Variants in SEMA6D observed in about 807,000 individuals in gnomAD.
The protein encoded by SEMA6D is semaphorin 6D.
In SEMA6D, 35 loss-of-function variants were observed where a neutral mutation model predicts 106.6. The ratio of observed to expected loss-of-function variants is 0.33; its 90% CI spans 0.25 to 0.44. The LOEUF is 0.44. Ranked by LOEUF, SEMA6D falls within the 20% of genes least tolerant of loss-of-function variation. The pLI is 1.00. For synonymous variants in SEMA6D, 499 were observed against 487.7 expected (o/e 1.02, Z -0.31); for missense variants, 1,185 against 1,345.9 (o/e 0.88, Z 1.87).
intron 1 of SEMA6D, among the ~76,000 whole-genome samples, chr15:47,287,687 C>G (rs924972628): frequency 6.6e-6 from 1 of 152,176 alleles, no homozygotes; most frequent in African/African-American, 2.4e-5. Context: ...CCAGCATTCT[C>G]TGAGATCATC....
chr15:47,288,861 A>G (rs2035482178), intron 1 of SEMA6D, among the ~76,000 whole-genome samples: 1 of 152,178 alleles, frequency 6.6e-6, no homozygotes, highest in Non-Finnish European at 1.5e-5. Flanking sequence ...AACTTAATCA[A>G]CTAGTATTGA....
chr15:47,465,722 T>C (rs1400575910), intron 2 of SEMA6D, among the ~76,000 whole-genome samples: 2 of 152,164 alleles, frequency 1.3e-5, no homozygotes, highest in African/African-American at 4.8e-5. Context: ...TCTCTTTGCC[T>C]TCTACCATGA....
At chr15:47,269,423 C>CAT (rs1257560071) in intron 1 of SEMA6D, among the ~76,000 whole-genome samples, 2 of 151,256 alleles carry the variant, frequency 1.3e-5, no homozygotes, top group Non-Finnish European at 3.0e-5. Flanking sequence ...AGCAGCTAAA[C>CAT]ATACTGATTT....
chr15:47,347,759 G>A (rs2038104810), intron 1 of SEMA6D, among the ~76,000 whole-genome samples: 1 of 152,062 alleles, frequency 6.6e-6, no homozygotes, highest in East Asian at 1.9e-4. Flanking sequence ...AAAACAAGTG[G>A]TCCCAGATTC....
intron 1 of SEMA6D, among the ~76,000 whole-genome samples, chr15:47,744,860 A>G (rs1188401383): frequency 6.6e-6 from 1 of 152,170 alleles, no homozygotes; most frequent in Non-Finnish European, 1.5e-5. Flanking sequence ...ACCTTTTTCA[A>G]TGCAGGCACC....
intron 1 of SEMA6D, among the ~76,000 whole-genome samples, chr15:47,213,040 C>T (rs544549002): frequency 2.7e-5 from 4 of 147,912 alleles, no homozygotes; most frequent in African/African-American, 7.6e-5. Flanking sequence ...TCTGGAGAAG[C>T]GCTATCCAAG....
Position 47,320,721 on chromosome 15 carries a change from C to A in SEMA6D, c.-238-91672C>A, listed in dbSNP as rs145560021. On this transcript the variant is annotated intron_variant, in intron 1 of 19. Transcript: ENST00000558014. The stretch of plus-strand genomic sequence containing the variant: ...CTTTTGAAAATAATTTCACTTTATC[C>A]ATTAGGCTTAAACATTACCTCCTCT... Among the ~76,000 whole-genome samples the A allele has an allele frequency of 5.9e-5, 9 of 152,266 alleles. No individual in the cohort carries two copies. The East Asian group carries it at 1.7e-3, about 29-fold the overall frequency.
chr15:47,670,412 G>C (rs1278370665), intron 4 of SEMA6D, among the ~76,000 whole-genome samples: 2 of 152,150 alleles, frequency 1.3e-5, no homozygotes, highest in African/African-American at 4.8e-5. Context: ...TGATTTCATT[G>C]TGTCTGTCCT....
At chr15:47,432,702 C>T (rs2041578104) in intron 2 of SEMA6D, among the ~76,000 whole-genome samples, 2 of 150,886 alleles carry the variant, frequency 1.3e-5, no homozygotes, top group South Asian at 4.2e-4. Flanking sequence ...GGCAACTGAG[C>T]TGAAAAGACC....
At chr15:47,570,203 C>T (rs1208428299) in intron 3 of SEMA6D, among the ~76,000 whole-genome samples, 1 of 152,176 alleles carries the variant, frequency 6.6e-6, no homozygotes, top group Non-Finnish European at 1.5e-5. Context: ...CTGACATCCT[C>T]AATCCCTGCT....
Position 47,765,169 on chromosome 15 carries a change from T to G in SEMA6D, c.1427+113T>G, listed in dbSNP as rs763105032. The G allele has an allele frequency of 3.6e-5, 53 of 1,465,458 alleles. No homozygotes were observed. In the African/African-American group the frequency reaches 6.9e-4, roughly 19 times the overall value. The allele number at this position is 1,465,458 out of a possible 1,614,324, so 90.8% of individuals were successfully genotyped here. ...AATTAGCAGTGGTTTGGCATAATAGTGTTTTGTGTTTTTTTTCTCATTGAA... is the reference window on the plus strand; with the variant it reads ...AATTAGCAGTGGTTTGGCATAATAGGGTTTTGTGTTTTTTTTCTCATTGAA... On this transcript the variant is annotated intron_variant, in intron 13 of 18. Coordinates refer to ENST00000536845, the MANE Select transcript of SEMA6D (RefSeq NM_001358351.3).
At chr15:47,255,087 A>T (rs2033731876) in intron 1 of SEMA6D, among the ~76,000 whole-genome samples, 1 of 152,120 alleles carries the variant, frequency 6.6e-6, no homozygotes, top group South Asian at 2.1e-4. Context: ...CTTCTATTTG[A>T]TGGGAGAATC....
At chr15:47,657,406 T>C (rs1161032264) in intron 4 of SEMA6D, among the ~76,000 whole-genome samples, 1 of 152,140 alleles carries the variant, frequency 6.6e-6, no homozygotes, top group Non-Finnish European at 1.5e-5. Flanking sequence ...TTTCTACTCA[T>C]TTTTAGCTTT....
intron 1 of SEMA6D, among the ~76,000 whole-genome samples, chr15:47,320,292 C>T (rs2036874416): frequency 6.6e-6 from 1 of 152,140 alleles, no homozygotes; most frequent in Non-Finnish European, 1.5e-5. Context: ...ACAGCACCAT[C>T]CTCTTGGTAC....
chr15:47,767,164 T>C (rs977838091), intron 17 of SEMA6D, 71 bp downstream of exon 17: 3 of 1,011,236 alleles, frequency 3.0e-6, no homozygotes, highest in African/African-American at 3.3e-5. Flanking sequence ...CAGCCCCTTC[T>C]CCCCTCCTTT....
chr15:47,649,886 G>A (rs1265440133), intron 4 of SEMA6D, among the ~76,000 whole-genome samples: 1 of 152,216 alleles, frequency 6.6e-6, no homozygotes, highest in African/African-American at 2.4e-5. Context: ...AACTAGCTTA[G>A]AGTCTTCACT....
At chr15:47,723,171 G>T (rs1302665216) in intron 1 of SEMA6D, among the ~76,000 whole-genome samples, 2 of 152,114 alleles carry the variant, frequency 1.3e-5, no homozygotes, top group African/African-American at 4.8e-5. Context: ...TGTACACGGT[G>T]GATGTGCTCT....
chr15:47,412,253 A>T (rs1048012760), intron 1 of SEMA6D: 3 of 152,448 alleles, frequency 2.0e-5, no homozygotes, highest in African/African-American at 4.8e-5. Flanking sequence ...CGCTGCATTC[A>T]GCTGTGTTTA....
intron 1 of SEMA6D, among the ~76,000 whole-genome samples, chr15:47,755,259 TA>T (rs1176734640): frequency 5.3e-5 from 8 of 152,196 alleles, no homozygotes; most frequent in Non-Finnish European, 7.3e-5. Context: ...GTTGAATTTT[TA>T]TTAAATTCTT....
Sources: gnomAD v4.1 joint callset for allele counts (sites outside exome capture counted in the v4.1 genomes callset) on GRCh38, gnomAD v4.1.1 for gene constraint, MANE v1.5 for transcripts, NCBI Gene and HGNC (gene_info 2026-07-23, HGNC 2026-07-21) for gene names.